Variants in NXPH2 observed in about 807,000 individuals in gnomAD.
The protein encoded by NXPH2 is neurexophilin-2.
NXPH2 carries 5 observed loss-of-function variants against 19.8 expected under a neutral mutation model. The ratio of observed to expected loss-of-function variants is 0.25; its 90% CI spans 0.13 to 0.53. The LOEUF is 0.53. Among genes scored for constraint, NXPH2 ranks in the 20% least tolerant of loss-of-function variants. The probability of loss-of-function intolerance (pLI) is 0.96; values close to 1 mark genes in which losing one functional copy is unlikely to be tolerated. For synonymous variants in NXPH2, 154 were observed against 127.4 expected (o/e 1.21, Z -1.41); for missense variants, 289 against 322.8 (o/e 0.90, Z 0.80).
intron 1 of NXPH2, among the ~76,000 whole-genome samples, chr2:138,694,022 CTT>C (rs1298906985): frequency 1.1e-4 from 17 of 152,198 alleles, no homozygotes; most frequent in Non-Finnish European, 2.9e-5. Context: ...AAAAATGAAA[CTT>C]AACCTCAGCC....
chr2:138,724,560 C>T (rs950038717), intron 1 of NXPH2, among the ~76,000 whole-genome samples: 1 of 152,214 alleles, frequency 6.6e-6, no homozygotes, highest in East Asian at 1.9e-4. Flanking sequence ...CTGTTCTTTT[C>T]ATCCTAACCA....
chr2:138,691,686 A>G (rs1680749185), intron 1 of NXPH2, among the ~76,000 whole-genome samples: 1 of 152,184 alleles, frequency 6.6e-6, no homozygotes, highest in Non-Finnish European at 1.5e-5. Context: ...CTTTGCTGGA[A>G]AGACCACACA....
chr2:138,733,291 T>A (rs147247520), intron 1 of NXPH2, among the ~76,000 whole-genome samples: 1 of 152,342 alleles, frequency 6.6e-6, no homozygotes, highest in East Asian at 1.9e-4. Context: ...AAAAGGCCAC[T>A]TTGTTAACTG....
rs1680396102 is a variant in NXPH2, at chr2:138,670,430, T to C, written c.*492A>G. The stretch of plus-strand genomic sequence containing the variant: ...TCTCTCATATCAATAACAGCACAGA[T>C]GGATGGGGGAAAAGATAGAAATATA... On this transcript the variant is annotated 3_prime_UTR_variant, in exon 2 of 2. Transcript: ENST00000272641. 1.3e-5 allele frequency among the ~76,000 whole-genome samples: 2 copies of C among 152,104 alleles called. No homozygotes were observed. The highest frequency in any genetic ancestry group is 4.8e-5 in the African/African-American group (2 of 41,394).
intron 1 of NXPH2, among the ~76,000 whole-genome samples, chr2:138,678,802 C>T (rs1680526044): frequency 6.6e-6 from 1 of 152,186 alleles, no homozygotes; most frequent in Non-Finnish European, 1.5e-5. Context: ...AATATCCCTT[C>T]TCAGTTTAGG....
chr2:138,682,969 A>C (rs1680600077), intron 1 of NXPH2, among the ~76,000 whole-genome samples: 1 of 152,214 alleles, frequency 6.6e-6, no homozygotes, highest in Non-Finnish European at 1.5e-5. Flanking sequence ...GATAGTGTCA[A>C]AGAAAACTTA....
At chr2:138,757,514 C>A (rs1181835904) in intron 1 of NXPH2, among the ~76,000 whole-genome samples, 1 of 152,116 alleles carries the variant, frequency 6.6e-6, no homozygotes, top group African/African-American at 2.4e-5. Flanking sequence ...TTAACCAGAG[C>A]TGACCTAGGT....
At chr2:138,736,840 C>G (rs192001667) in intron 1 of NXPH2, among the ~76,000 whole-genome samples, 27 of 152,326 alleles carry the variant, frequency 1.8e-4, no homozygotes, top group African/African-American at 6.5e-4. Flanking sequence ...GCCAGATAAC[C>G]TAAATCATCT....
intron 1 of NXPH2, among the ~76,000 whole-genome samples, chr2:138,772,988 C>T (rs1682202605): frequency 6.6e-6 from 1 of 152,196 alleles, no homozygotes; most frequent in Non-Finnish European, 1.5e-5. Flanking sequence ...CCATGTAGTG[C>T]TTTACATCCT....
At chr2:138,746,861 A>G (rs1444131215) in intron 1 of NXPH2, among the ~76,000 whole-genome samples, 4 of 152,096 alleles carry the variant, frequency 2.6e-5, no homozygotes, top group African/African-American at 4.8e-5. Flanking sequence ...GAAATTTCCT[A>G]TAAAAAAGGG....
intron 1 of NXPH2, among the ~76,000 whole-genome samples, chr2:138,675,984 T>C (rs986175167): frequency 6.9e-6 from 1 of 144,608 alleles, no homozygotes; most frequent in Non-Finnish European, 1.5e-5. Context: ...TGTGTGTGTG[T>C]ATAAATCTAT....
chr2:138,747,313 T>C (rs1265355904), intron 1 of NXPH2, among the ~76,000 whole-genome samples: 2 of 152,048 alleles, frequency 1.3e-5, no homozygotes, highest in South Asian at 2.1e-4. Context: ...CTGGTAGTTG[T>C]TGGGCGCATT....
rs80238174 is a variant in NXPH2, at chr2:138,690,318, G to A, written c.52-18653C>T. On this transcript the variant is annotated intron_variant, in intron 1 of 1. Transcript: ENST00000272641. The stretch of plus-strand genomic sequence containing the variant: ...CATTGTCAACATGACCTCTCTCCTG[G>A]GTACCTTCAGAAATGCTCGTGTCCC... 3.8e-3 allele frequency among the ~76,000 whole-genome samples: 582 copies of A among 151,974 alleles called. 2 individuals carry two copies. The highest frequency in any genetic ancestry group is 6.0e-3 in the Non-Finnish European group (408 of 67,974).
At position 138,747,898 on chromosome 2, in the gene NXPH2, A is replaced by G. The variant is rs528524771; in HGVS notation, c.51+32293T>C. Among the ~76,000 whole-genome samples the G allele has an allele frequency of 7.2e-5, 11 of 152,212 alleles. No individual in the cohort carries two copies. In the South Asian group the frequency reaches 2.3e-3, roughly 32 times the overall value. ...TTACTGCTTCCATCTACCTTGCCTC[A>G]GCTCTATTTTCTCCTCCACACCTTC... On this transcript the variant is annotated intron_variant, in intron 1 of 1. Transcript: ENST00000272641.
At chr2:138,771,919 A>G (rs1008071004) in intron 1 of NXPH2, among the ~76,000 whole-genome samples, 1 of 152,194 alleles carries the variant, frequency 6.6e-6, no homozygotes, top group African/African-American at 2.4e-5. Flanking sequence ...TTTTATAATA[A>G]AATACATATT....
rs147425340 is a variant in NXPH2 at position 138,729,882 on chromosome 2, G to A, written c.51+50309C>T. On this transcript the variant is annotated intron_variant, in intron 1 of 1. Transcript: ENST00000272641. ...TTGGTCAATAGGGTGCTTCTGAAGT[G>A]ATGTTTTTGTCTGCTCGGGCTGCTG... Among the ~76,000 whole-genome samples the A allele has an allele frequency of 2.0e-3, 308 of 152,292 alleles. 1 individual carries two copies. Among genetic ancestry groups the A allele is most frequent in the African/African-American group, 7.0e-3 (291 of 41,562 alleles).
rs143733016 is a variant in NXPH2, at chr2:138,748,873, G to A, written c.51+31318C>T. Among the ~76,000 whole-genome samples, 98 of 152,264 alleles carry A rather than the reference G, an allele frequency of 6.4e-4. 1 individual carries two copies. In the East Asian group the frequency reaches 0.017, roughly 26 times the overall value. On this transcript the variant is annotated intron_variant, in intron 1 of 1. Transcript: ENST00000272641. Reference sequence around the variant, plus strand: ...AAATTATGCATTGTGATCAGCAAGCGTAAGGGATGCTCTGATTATATAATA... The same window carrying A: ...AAATTATGCATTGTGATCAGCAAGCATAAGGGATGCTCTGATTATATAATA...
chr2:138,756,449 C>CT (rs11400090), intron 1 of NXPH2, among the ~76,000 whole-genome samples: 6,972 of 141,088 alleles, frequency 0.049, 529 homozygotes, highest in African/African-American at 0.17. Flanking sequence ...AATTTTAGGA[C>CT]TTTTTTTTTT....
At chr2:138,750,762 C>G (rs1225561294) in intron 1 of NXPH2, among the ~76,000 whole-genome samples, 1 of 152,134 alleles carries the variant, frequency 6.6e-6, no homozygotes, top group Non-Finnish European at 1.5e-5. Flanking sequence ...TCAGTAACTT[C>G]AAGACAACAA....
Sources: allele counts gnomAD v4.1 joint callset (sites outside exome capture counted in the v4.1 genomes callset), GRCh38; gene constraint gnomAD v4.1.1; transcripts MANE v1.5; gene names NCBI Gene and HGNC (gene_info 2026-07-23, HGNC 2026-07-21).